The following KIRREL3 variants were observed in gnomAD, a reference collection of about 807,000 sequenced individuals.
KIRREL3 encodes kin of IRRE-like protein 3.
Under a neutral mutation model 89.7 loss-of-function variants are expected in KIRREL3, and 36 were observed. That is an observed-to-expected ratio of 0.40 (90% CI 0.31 to 0.53). KIRREL3 has a LOEUF of 0.53. Ranked by LOEUF, KIRREL3 falls within the 20% of genes least tolerant of loss-of-function variation. The pLI is 0.49. For synonymous variants in KIRREL3, 445 were observed against 441.4 expected (o/e 1.01, Z -0.10); for missense variants, 864 against 1,056.6 (o/e 0.82, Z 2.53).
chr11:126,988,380 G>A lies in KIRREL3; in HGVS notation c.55+12075C>T, dbSNP rs140100477. ...TTTCTTCCATTTTTATCAGCTCTCCGTCCCAAATCCTACAAGCTATGAAGG... is the reference window on the plus strand; with the variant it reads ...TTTCTTCCATTTTTATCAGCTCTCCATCCCAAATCCTACAAGCTATGAAGG... On this transcript the variant is annotated intron_variant, in intron 1 of 16. Transcript: ENST00000525144. The A allele has an allele frequency of 5.7e-3, 874 of 152,836 alleles. 10 individuals carry two copies. The highest frequency in any genetic ancestry group is 6.7e-3 in the Middle Eastern group (2 of 300). The allele number at this position is 152,836 out of a possible 1,614,324, so 9.5% of individuals were successfully genotyped here. A position where few individuals can be genotyped will look rare whatever the true frequency, so the allele number is the denominator to read the frequency against.
Position 126,424,799 on chromosome 11 carries a change from A to C in KIRREL3, c.2118T>G (p.Leu706=), listed in dbSNP as rs35006764. Residue 706 remains leucine, a synonymous_variant, in exon 17 of 17, where the codon CTT becomes CTG. Transcript: ENST00000525144. The part of the protein sequence containing the change: ...VLGMGSSSIE[L]CEREFQRGSL... ...AGCCTCTCTGGAACTCCCGCTCACAAAGCTCGATGGACGAGCTGCCCATGC... is the reference window on the plus strand; with the variant it reads ...AGCCTCTCTGGAACTCCCGCTCACACAGCTCGATGGACGAGCTGCCCATGC... The C allele has an allele frequency of 8.3e-4, 1,334 of 1,614,004 alleles. 13 individuals are homozygous for C. The African/African-American group carries it at 0.016, about 19-fold the overall frequency.
chr11:126,920,914 T>A (rs935954644), intron 1 of KIRREL3, among the ~76,000 whole-genome samples: 5 of 152,218 alleles, frequency 3.3e-5, no homozygotes, highest in Admixed American at 3.3e-4. Context: ...TGATGGTTAA[T>A]GTTAGGTGTC....
Position 126,608,350 on chromosome 11 carries a change from T to G in KIRREL3, c.56-45438A>C, listed in dbSNP as rs576216024. ...TGCAGGCCCAACTTCTGACTTCCTG[T>G]GCGGGGGCTCCTCCTCTAGCCCCAG... is the stretch of plus-strand genomic sequence containing the variant. On this transcript the variant is annotated intron_variant, in intron 1 of 16. Coordinates refer to ENST00000525144, the MANE Select transcript of KIRREL3 (RefSeq NM_032531.4). The surrounding 1 kb of genome is among the most constrained non-coding windows in gnomAD (Gnocchi z 4.9). Among the ~76,000 whole-genome samples the G allele has an allele frequency of 6.6e-6, 1 of 152,196 alleles. No individual in the cohort carries two copies. The highest frequency in any genetic ancestry group is 1.5e-5 in the Non-Finnish European group (1 of 68,022).
rs75204604 is a variant in KIRREL3, at chr11:126,441,367, C to T, written c.1253-818G>A. Among the ~76,000 whole-genome samples, 3,774 of 152,314 alleles carry T rather than the reference C, an allele frequency of 0.025. 162 individuals are homozygous for T. The highest frequency in any genetic ancestry group is 0.084 in the African/African-American group (3,485 of 41,552). On this transcript the variant is annotated intron_variant, in intron 10 of 16. Coordinates refer to ENST00000525144, the MANE Select transcript of KIRREL3 (RefSeq NM_032531.4). This position sits in a 1 kb window ranked among gnomAD's most constrained non-coding sequence, Gnocchi z 5.0. The stretch of plus-strand genomic sequence containing the variant: ...TTCACCTGGTGGAGGGGAGCCTGTT[C>T]CCCAGCGCCTCCTGTCCAGTTCCGC...
intron 4 of KIRREL3, among the ~76,000 whole-genome samples, chr11:126,497,340 T>A (rs988869145): frequency 6.6e-6 from 1 of 151,996 alleles, no homozygotes; most frequent in Non-Finnish European, 1.5e-5. Context: ...GAGACTCCCT[T>A]TTCCCCAAAA....
At chr11:126,799,232 ATC>A (rs576153547) in intron 1 of KIRREL3, among the ~76,000 whole-genome samples, 12,302 of 106,636 alleles carry the variant, frequency 0.12, 1,573 homozygotes, top group African/African-American at 0.36. Context: ...GTATCTGTGT[ATC>A]TGTGTGTGGA....
chr11:126,922,281 C>A (rs945633467), intron 1 of KIRREL3, among the ~76,000 whole-genome samples: 4 of 152,092 alleles, frequency 2.6e-5, no homozygotes, highest in African/African-American at 9.7e-5. Flanking sequence ...TGCCTCCAGT[C>A]CCTGTGTGCC....
intron 4 of KIRREL3, among the ~76,000 whole-genome samples, chr11:126,503,879 C>T (rs771279014): frequency 4.6e-5 from 7 of 151,900 alleles, no homozygotes; most frequent in Non-Finnish European, 8.8e-5. Context: ...CCCTCTCCCT[C>T]TTTCTCCCAT....
rs532170107 is a variant in KIRREL3 at position 126,787,553 on chromosome 11, A to G, written c.55+212902T>C. ...TTCTTTTCATGTTTTTCACTAGAGG[A>G]AAAAAGTCTGGTTCTTTTTTCCTGG... On this transcript the variant is annotated intron_variant, in intron 1 of 16. Coordinates refer to ENST00000525144, the MANE Select transcript of KIRREL3 (RefSeq NM_032531.4). Among the ~76,000 whole-genome samples, 10 of 152,258 alleles carry G rather than the reference A, an allele frequency of 6.6e-5. No individual in the cohort carries two copies. In the South Asian group the frequency reaches 1.9e-3, roughly 28 times the overall value.
rs1458031619 is a variant in KIRREL3 at position 126,900,666 on chromosome 11, T to C, written c.55+99789A>G. On this transcript the variant is annotated intron_variant, in intron 1 of 16. Coordinates refer to ENST00000525144, the MANE Select transcript of KIRREL3 (RefSeq NM_032531.4). The surrounding 1 kb of genome is among the most constrained non-coding windows in gnomAD (Gnocchi z 4.4). Reference sequence around the variant, plus strand: ...AGCAAAGCCCAGGCATCTTTTAAAGTCAAACTTTAAAGTATAATATGCCGT... The same window carrying C: ...AGCAAAGCCCAGGCATCTTTTAAAGCCAAACTTTAAAGTATAATATGCCGT... 6.6e-6 allele frequency among the ~76,000 whole-genome samples: 1 copy of C among 152,206 alleles called. No individual in the cohort carries two copies. The highest frequency in any genetic ancestry group is 1.9e-4 in the East Asian group (1 of 5,196).
At position 126,501,041 on chromosome 11, in the gene KIRREL3, G is replaced by A. The variant is rs549587704; in HGVS notation, c.433+20274C>T. 6.6e-5 allele frequency among the ~76,000 whole-genome samples: 10 copies of A among 152,334 alleles called. No individual in the cohort carries two copies. The South Asian group carries it at 1.9e-3, about 28-fold the overall frequency. ...CTCCACCCGCTGCCGAGACATCTCC[G>A]TGTAGCTTTCCTGGCTCTGCCTCTC... On this transcript the variant is annotated intron_variant, in intron 4 of 16. Coordinates refer to ENST00000525144, the MANE Select transcript of KIRREL3 (RefSeq NM_032531.4). This position sits in a 1 kb window ranked among gnomAD's most constrained non-coding sequence, Gnocchi z 5.8.
intron 1 of KIRREL3, among the ~76,000 whole-genome samples, chr11:126,818,432 C>A (rs1267422909): frequency 3.3e-5 from 5 of 152,192 alleles, no homozygotes; most frequent in Admixed American, 6.5e-5. Context: ...TGGCTTTAGG[C>A]ACCTTCCGTA....
Position 126,607,489 on chromosome 11 carries a change from C to T in KIRREL3, c.56-44577G>A, listed in dbSNP as rs1024988519. On this transcript the variant is annotated intron_variant, in intron 1 of 16. Coordinates refer to ENST00000525144, the MANE Select transcript of KIRREL3 (RefSeq NM_032531.4). This position sits in a 1 kb window ranked among gnomAD's most constrained non-coding sequence, Gnocchi z 6.6. Reference sequence around the variant, plus strand: ...CTTCCACTGGAGGGAGCAGCCTCTCCGCAGGTGGGGCTGTCCCTCAGGAGC... The same window carrying T: ...CTTCCACTGGAGGGAGCAGCCTCTCTGCAGGTGGGGCTGTCCCTCAGGAGC... Among the ~76,000 whole-genome samples the T allele has an allele frequency of 1.3e-5, 2 of 152,126 alleles. No homozygotes were observed. Among genetic ancestry groups the T allele is most frequent in the African/African-American group, 4.8e-5 (2 of 41,432 alleles).
In KIRREL3 at chr11:126,844,599, G is replaced by A. The variant is rs2874807; in HGVS notation, c.55+155856C>T. 0.85 allele frequency among the ~76,000 whole-genome samples: 128,753 copies of A among 152,142 alleles called. 54,663 individuals are homozygous for A. Among genetic ancestry groups the A allele is most frequent in the East Asian group, 1 (5,145 of 5,154 alleles). ...CCATAAAAGGCAAGGACACTTGACC[G>A]AACTTGAGTTTGAGGCCCAACTTAG... is the stretch of plus-strand genomic sequence containing the variant. On this transcript the variant is annotated intron_variant, in intron 1 of 16. Transcript: ENST00000525144. This position sits in a 1 kb window ranked among gnomAD's most constrained non-coding sequence, Gnocchi z 4.8.
At chr11:126,649,159 A>G (rs774681849) in intron 1 of KIRREL3, among the ~76,000 whole-genome samples, 6 of 152,238 alleles carry the variant, frequency 3.9e-5, no homozygotes, top group Non-Finnish European at 7.3e-5. Flanking sequence ...CACCCTCATG[A>G]TTAAAATTAT....
Position 126,684,871 on chromosome 11 carries a change from G to A in KIRREL3, c.56-121959C>T, listed in dbSNP as rs1946608575. On this transcript the variant is annotated intron_variant, in intron 1 of 16. Transcript: ENST00000525144. This position sits in a 1 kb window ranked among gnomAD's most constrained non-coding sequence, Gnocchi z 4.2. ...ACAGCGGGAGGGACCTGGGAAGAGG[G>A]AGAAGTTGATGGTCTGGTCACTAAT... Among the ~76,000 whole-genome samples, 1 of 152,160 alleles carries A rather than the reference G, an allele frequency of 6.6e-6. No individual in the cohort carries two copies. The highest frequency in any genetic ancestry group is 1.5e-5 in the Non-Finnish European group (1 of 68,034).
upstream of KIRREL3, chr11:127,000,853 G>A: frequency 2.4e-6 from 1 of 424,704 alleles, no homozygotes; most frequent in Non-Finnish European, 4.1e-6. This position sits in a 1 kb window ranked among gnomAD's most constrained non-coding sequence, Gnocchi z 7.1. Context: ...AGTGACAGAA[G>A]GACTCCTTTC....
At chr11:126,460,540 G>T (rs948859718) in intron 6 of KIRREL3, among the ~76,000 whole-genome samples, 2 of 152,206 alleles carry the variant, frequency 1.3e-5, no homozygotes, top group African/African-American at 4.8e-5. Flanking sequence ...CTTGGACGAG[G>T]CTGGTCTGGG....
intron 1 of KIRREL3, among the ~76,000 whole-genome samples, chr11:126,711,575 A>C (rs1947757505): frequency 6.6e-6 from 1 of 152,220 alleles, no homozygotes; most frequent in African/African-American, 2.4e-5. Context: ...AAAACCCAAA[A>C]AACAACAACA....
Sources: allele counts gnomAD v4.1 joint callset (sites outside exome capture counted in the v4.1 genomes callset), GRCh38; gene constraint gnomAD v4.1.1; non-coding constraint Gnocchi (gnomAD v3.1); transcripts MANE v1.5; gene names NCBI Gene and HGNC (gene_info 2026-07-23, HGNC 2026-07-21).